Variants in RAB2A observed in about 807,000 individuals in gnomAD.
RAB2A encodes RAB2A, member RAS oncogene family.
Under a neutral mutation model 32.5 loss-of-function variants are expected in RAB2A, and 7 were observed. The ratio of observed to expected loss-of-function variants is 0.22; its 90% confidence interval spans 0.12 to 0.40. The LOEUF (loss-of-function observed/expected upper bound fraction) is 0.40, where lower values mean the gene tolerates loss of function less well. Ranked by LOEUF, RAB2A falls within the 10% of genes least tolerant of loss-of-function variation. RAB2A has a pLI of 1.00. For missense variants in RAB2A, 108 were observed against 260.7 expected, an observed-to-expected ratio of 0.41 and a Z score of 4.03; for synonymous variants, 79 against 85.2, an observed-to-expected ratio of 0.93 and a Z score of 0.40.
At chr8:60,560,727 TTTTTTTGTTTTTTG>T (rs1293323330) in intron 2 of RAB2A, among the ~76,000 whole-genome samples, 4 of 143,548 alleles carry the variant, frequency 2.8e-5, no homozygotes, top group Non-Finnish European at 6.0e-5. Flanking sequence ...ACTATGAGAT[TTTTTTTGTTTTTTG>T]TTTTTTGTTT....
chr8:60,559,096 T>G, intron 2 of RAB2A, 173 bp downstream of exon 2: 1 of 537,254 alleles, frequency 1.9e-6, no homozygotes, highest in Non-Finnish European at 3.3e-6. Context: ...AAATAAATAT[T>G]ACCTAACTTT....
At chr8:60,539,082 A>G (rs545232000) in intron 1 of RAB2A, among the ~76,000 whole-genome samples, 3 of 152,244 alleles carry the variant, frequency 2.0e-5, no homozygotes, top group East Asian at 3.9e-4. Flanking sequence ...AGAATAGTCT[A>G]TTACTTTGTG....
chr8:60,537,909 G>T (rs370082041), intron 1 of RAB2A, among the ~76,000 whole-genome samples: 1 of 152,024 alleles, frequency 6.6e-6, no homozygotes, highest in South Asian at 2.1e-4. Context: ...CAAACTCCTG[G>T]CCTCAAGCAG....
chr8:60,547,150 C>T (rs1160730738), intron 1 of RAB2A, among the ~76,000 whole-genome samples: 4 of 151,498 alleles, frequency 2.6e-5, no homozygotes, highest in Admixed American at 1.3e-4. Context: ...CATCTTGCAC[C>T]GCCCTTAATC....
chr8:60,574,032 C>T (rs759909022), intron 3 of RAB2A, among the ~76,000 whole-genome samples: 8 of 152,242 alleles, frequency 5.3e-5, no homozygotes, highest in Non-Finnish European at 8.8e-5. Context: ...CACATCTTTG[C>T]ATTGTGTAGT....
intron 1 of RAB2A, among the ~76,000 whole-genome samples, chr8:60,534,033 G>A (rs530327837): frequency 6.6e-6 from 1 of 152,224 alleles, no homozygotes; most frequent in South Asian, 2.1e-4. Context: ...CCCTGTGCTG[G>A]AGTTCGAAAA....
chr8:60,609,492 G>T (rs1420947668), intron 6 of RAB2A, among the ~76,000 whole-genome samples: 1 of 152,242 alleles, frequency 6.6e-6, no homozygotes, highest in East Asian at 1.9e-4. Context: ...TTTCATTTCT[G>T]CAACCCCCAC....
intron 1 of RAB2A, among the ~76,000 whole-genome samples, chr8:60,556,198 A>G (rs1807935268): frequency 6.6e-6 from 1 of 152,156 alleles, no homozygotes; most frequent in East Asian, 1.9e-4. Flanking sequence ...AATTGTGGGT[A>G]TTAGAGGCCG....
At chr8:60,538,618 TTAAC>T (rs954532321) in intron 1 of RAB2A, among the ~76,000 whole-genome samples, 94 of 152,256 alleles carry the variant, frequency 6.2e-4, no homozygotes, top group African/African-American at 2.2e-3. Flanking sequence ...GTCAGAGACA[TTAAC>T]TAAGGGGCTG....
intron 2 of RAB2A, among the ~76,000 whole-genome samples, chr8:60,563,829 C>T (rs73259478): frequency 0.043 from 6,548 of 152,204 alleles, 332 homozygotes; most frequent in African/African-American, 0.12. Flanking sequence ...TGCTACTTTC[C>T]TCCTTACCCA....
intron 1 of RAB2A, among the ~76,000 whole-genome samples, chr8:60,525,134 C>T (rs941560968): frequency 8.6e-5 from 13 of 152,012 alleles, no homozygotes; most frequent in Admixed American, 6.6e-5. Context: ...GCTCTGTGTC[C>T]CACTCGAATC....
At chr8:60,589,287 A>AC (rs1285957595) in intron 5 of RAB2A, among the ~76,000 whole-genome samples, 3 of 152,226 alleles carry the variant, frequency 2.0e-5, no homozygotes, top group African/African-American at 7.2e-5. Context: ...TAGTATGTAA[A>AC]CGAGATGTTT....
intron 1 of RAB2A, among the ~76,000 whole-genome samples, chr8:60,528,171 A>G (rs189117775): frequency 6.6e-6 from 1 of 152,364 alleles, no homozygotes; most frequent in Non-Finnish European, 1.5e-5. Flanking sequence ...CCATTCATGC[A>G]TAATAGTGCA....
intron 6 of RAB2A, among the ~76,000 whole-genome samples, chr8:60,613,258 ACCAGTACT>A (rs975255101): frequency 1.3e-5 from 2 of 151,998 alleles, no homozygotes; most frequent in African/African-American, 4.8e-5. Flanking sequence ...CACATTTAGC[ACCAGTACT>A]CCCTTCTCCT....
chr8:60,558,392 G>C (rs137862941), intron 1 of RAB2A: 14 of 494,932 alleles, frequency 2.8e-5, no homozygotes, highest in Middle Eastern at 3.2e-4. Flanking sequence ...GAATTAGCGA[G>C]AAAACAGAGC....
chr8:60,548,659 C>T (rs1438202369), intron 1 of RAB2A, among the ~76,000 whole-genome samples: 2 of 147,298 alleles, frequency 1.4e-5, no homozygotes, highest in African/African-American at 2.5e-5. Context: ...CCCCACCTCC[C>T]TCCCGGACGG....
chr8:60,602,154 A>G (rs2150433232), intron 6 of RAB2A, among the ~76,000 whole-genome samples: 1 of 152,242 alleles, frequency 6.6e-6, no homozygotes, highest in East Asian at 1.9e-4. Flanking sequence ...CTGGGATTAC[A>G]GGCTCAAGCC....
chr8:60,523,303 G>A (rs1032474068), intron 1 of RAB2A, among the ~76,000 whole-genome samples: 4 of 151,598 alleles, frequency 2.6e-5, no homozygotes, highest in East Asian at 1.9e-4. Flanking sequence ...GACTACAGGC[G>A]CCCGCCACCA....
chr8:60,578,544 GA>G, intron 3 of RAB2A, among the ~76,000 whole-genome samples: 1 of 149,160 alleles, frequency 6.7e-6, no homozygotes, highest in East Asian at 1.9e-4. Flanking sequence ...GATATCAGTA[GA>G]AAAAAATGGA....
Sources: gnomAD v4.1 joint callset for allele counts (sites outside exome capture counted in the v4.1 genomes callset) on GRCh38, gnomAD v4.1.1 for gene constraint, MANE v1.5 for transcripts, NCBI Gene and HGNC (gene_info 2026-07-23, HGNC 2026-07-21) for gene names.